The following RYR2 variants were observed in gnomAD, a reference collection of about 807,000 sequenced individuals.
RYR2 encodes the protein ryanodine receptor 2, also known as cardiac muscle ryanodine receptor-calcium release channel.
A neutral mutation model predicts 601.1 loss-of-function variants in RYR2; 227 were observed. That is an observed-to-expected ratio of 0.38 (90% CI 0.34 to 0.42). The LOEUF is 0.42. Ranked by LOEUF, RYR2 falls within the 10% of genes least tolerant of loss-of-function variation. The pLI, the probability that RYR2 is intolerant of heterozygous loss-of-function variation, is 1.00. For synonymous variants in RYR2, 2,223 were observed against 2,175.1 expected (o/e 1.02, Z -0.61); for missense variants, 4,646 against 6,156.5 (o/e 0.75, Z 8.21).
chr1:237,162,488 T>G (rs1399241338), intron 1 of RYR2, among the ~76,000 whole-genome samples: 1 of 152,040 alleles, frequency 6.6e-6, no homozygotes, highest in African/African-American at 2.4e-5. Context: ...TTCCTATCAA[T>G]ATTACTCAAC....
At chr1:237,149,842 A>G (rs1209668760) in intron 1 of RYR2, among the ~76,000 whole-genome samples, 1 of 151,798 alleles carries the variant, frequency 6.6e-6, no homozygotes, top group Non-Finnish European at 1.5e-5. Context: ...GGGAATTTTT[A>G]GGTGAAGAAG....
chr1:237,540,513 C>T (rs1264606477), intron 25 of RYR2, among the ~76,000 whole-genome samples: 2 of 151,940 alleles, frequency 1.3e-5, no homozygotes, highest in Non-Finnish European at 2.9e-5. Context: ...TCGAGACCAG[C>T]CTGGCCAACA....
At chr1:237,459,273 A>G (rs1331651451) in intron 16 of RYR2, among the ~76,000 whole-genome samples, 1 of 152,216 alleles carries the variant, frequency 6.6e-6, no homozygotes, top group Non-Finnish European at 1.5e-5. Context: ...CAGCAGAGGA[A>G]AACCCTGTCT....
chr1:237,045,195 C>T (rs539829834), intron 1 of RYR2, among the ~76,000 whole-genome samples: 99 of 152,280 alleles, frequency 6.5e-4, no homozygotes, highest in African/African-American at 2.3e-3. Context: ...TTGTATTCAG[C>T]ACCCCAGCAC....
intron 1 of RYR2, among the ~76,000 whole-genome samples, chr1:237,097,451 C>G (rs1003707315): frequency 2.0e-5 from 3 of 152,150 alleles, no homozygotes; most frequent in Admixed American, 1.3e-4. Context: ...GTTGAGATCT[C>G]CTATTGCTTA....
intron 22 of RYR2, among the ~76,000 whole-genome samples, chr1:237,505,074 T>C (rs1386393022): frequency 6.6e-6 from 1 of 152,182 alleles, no homozygotes; most frequent in Non-Finnish European, 1.5e-5. Flanking sequence ...TTATCTTGGG[T>C]ATAGATTAAG....
intron 8 of RYR2, among the ~76,000 whole-genome samples, chr1:237,383,665 G>A (rs1313775379): frequency 4.6e-5 from 7 of 151,810 alleles, no homozygotes; most frequent in Admixed American, 2.6e-4. Flanking sequence ...TCCTGACCTC[G>A]TGATCTGCCC....
chr1:237,787,919 A>G (rs1657853404), intron 91 of RYR2, 69 bp from the exon 92 acceptor site: 2 of 1,452,806 alleles, frequency 1.4e-6, no homozygotes, highest in Admixed American at 2.3e-5. Flanking sequence ...CACTTGGGTA[A>G]TTTTCCACAA....
chr1:237,223,489 A>T (rs901358314), intron 1 of RYR2, among the ~76,000 whole-genome samples: 1 of 152,242 alleles, frequency 6.6e-6, no homozygotes, highest in Non-Finnish European at 1.5e-5. Context: ...TTGGTTGCTT[A>T]TGACAAAGAT....
At chr1:237,104,920 T>A (rs1187078087) in intron 1 of RYR2, among the ~76,000 whole-genome samples, 1 of 152,232 alleles carries the variant, frequency 6.6e-6, no homozygotes, top group Non-Finnish European at 1.5e-5. Flanking sequence ...GTGATGAGTT[T>A]GCCACATTCC....
intron 1 of RYR2, among the ~76,000 whole-genome samples, chr1:237,226,401 C>T (rs1182998536): frequency 1.3e-5 from 2 of 152,154 alleles, no homozygotes; most frequent in Admixed American, 6.5e-5. Context: ...TTGTTACTGA[C>T]AGTGTGGCCA....
intron 29 of RYR2, among the ~76,000 whole-genome samples, chr1:237,581,209 C>T (rs1673882969): frequency 6.6e-6 from 1 of 152,194 alleles, no homozygotes; most frequent in Non-Finnish European, 1.5e-5. Context: ...GAGATTACCA[C>T]ATTCTACAGT....
chr1:237,208,084 A>G (rs1037069031), intron 1 of RYR2, among the ~76,000 whole-genome samples: 2 of 152,218 alleles, frequency 1.3e-5, no homozygotes, highest in African/African-American at 4.8e-5. Context: ...GTAATAGTTC[A>G]TACACAAGGG....
intron 1 of RYR2, among the ~76,000 whole-genome samples, chr1:237,183,901 C>G (rs1435702541): frequency 1.3e-5 from 2 of 152,158 alleles, no homozygotes; most frequent in Non-Finnish European, 2.9e-5. Flanking sequence ...GTTGAGCTGA[C>G]AAGCAAAGAA....
intron 12 of RYR2, among the ~76,000 whole-genome samples, chr1:237,431,801 T>G (rs960948706): frequency 4.6e-5 from 7 of 152,154 alleles, no homozygotes; most frequent in African/African-American, 1.7e-4. Flanking sequence ...TAGTGGGGAT[T>G]GCTAAATGTC....
intron 24 of RYR2, among the ~76,000 whole-genome samples, chr1:237,521,216 C>T (rs896575252): frequency 6.6e-6 from 1 of 152,140 alleles, no homozygotes; most frequent in Non-Finnish European, 1.5e-5. Context: ...GCCAGTATCA[C>T]CCTGGTACCA....
At chr1:237,094,144 T>A (rs1200976523) in intron 1 of RYR2, among the ~76,000 whole-genome samples, 1 of 152,198 alleles carries the variant, frequency 6.6e-6, no homozygotes, top group Non-Finnish European at 1.5e-5. Flanking sequence ...GCTTTACAGA[T>A]AGAGGTGTTC....
At chr1:237,734,990 C>T (rs912429198) in intron 79 of RYR2, among the ~76,000 whole-genome samples, 1 of 152,014 alleles carries the variant, frequency 6.6e-6, no homozygotes, top group Admixed American at 6.6e-5. Context: ...TGTAAGGACA[C>T]AGAACATTAA....
chr1:237,386,942 A>T (rs577753356), intron 8 of RYR2, among the ~76,000 whole-genome samples: 4 of 152,348 alleles, frequency 2.6e-5, no homozygotes, highest in Admixed American at 2.6e-4. Flanking sequence ...ATATGTAGAA[A>T]ACCTAATTAT....
Sources: allele counts gnomAD v4.1 joint callset (sites outside exome capture counted in the v4.1 genomes callset), GRCh38; gene constraint gnomAD v4.1.1; transcripts MANE v1.5; gene names NCBI Gene and HGNC (gene_info 2026-07-23, HGNC 2026-07-21).